The following ARHGEF7 variants were observed in gnomAD, a reference collection of about 807,000 sequenced individuals.
The protein encoded by ARHGEF7 is Rho guanine nucleotide exchange factor 7, also known as PAK-interacting exchange factor beta.
In ARHGEF7, 33 loss-of-function variants were observed where a neutral mutation model predicts 109.8. That is an observed-to-expected ratio of 0.30 (90% CI 0.23 to 0.40). ARHGEF7 has a LOEUF of 0.40. ARHGEF7 is among the 10% of genes least tolerant of loss of function. The pLI is 1.00. For synonymous variants in ARHGEF7, 458 were observed against 424.6 expected (o/e 1.08, Z -0.97); for missense variants, 938 against 1,098.5 (o/e 0.85, Z 2.07).
Position 111,275,625 on chromosome 13 carries a change from C to T in ARHGEF7, c.1366C>T (p.Leu456=). The change falls in exon 12 of 22, where the codon CTG becomes TTG. Residue 456 remains leucine, a synonymous_variant. Transcript: ENST00000646102. ...CTGGGAGGGCGATGACATTAAAACTCTGGGCAACGTCACTTACATGTCCCA... is the reference window on the plus strand; with the variant it reads ...CTGGGAGGGCGATGACATTAAAACTTTGGGCAACGTCACTTACATGTCCCA... ...RNWEGDDIKT[L]GNVTYMSQVL... is the part of the protein sequence containing the mutation. The T allele has an allele frequency of 2.5e-6, 4 of 1,614,190 alleles. No individual in the cohort carries two copies. Among genetic ancestry groups the T allele is most frequent in the Non-Finnish European group, 3.4e-6 (4 of 1,180,040 alleles).
At chr13:111,264,287 G>A (rs182192850) in intron 8 of ARHGEF7, among the ~76,000 whole-genome samples, 155 of 152,326 alleles carry the variant, frequency 1.0e-3, no homozygotes, top group African/African-American at 3.7e-3. Context: ...CTCTAGCCAC[G>A]TGGGGCTGTG....
intron 2 of ARHGEF7, among the ~76,000 whole-genome samples, chr13:111,163,420 A>G (rs999545107): frequency 1.3e-5 from 2 of 152,098 alleles, no homozygotes; most frequent in African/African-American, 4.8e-5. Flanking sequence ...TTCGTTTCAG[A>G]TCTTTGGAAT....
At chr13:111,175,210 G>A (rs2078018448) in intron 2 of ARHGEF7, among the ~76,000 whole-genome samples, 1 of 152,224 alleles carries the variant, frequency 6.6e-6, no homozygotes, top group South Asian at 2.1e-4. Flanking sequence ...GCTGTGCACT[G>A]AGGGCCCCTG....
rs887566478 is a variant in ARHGEF7, at chr13:111,304,430, T to C, written c.*1317T>C. 1 of 152,192 alleles carries C rather than the reference T, an allele frequency of 6.6e-6. No individual in the cohort carries two copies. The highest frequency in any genetic ancestry group is 1.5e-5 in the Non-Finnish European group (1 of 68,032). 9.4% of individuals were successfully genotyped at this position (152,192 alleles called of 1,614,324 possible). A position where few individuals can be genotyped will look rare whatever the true frequency, so the allele number is the denominator to read the frequency against. Reference sequence around the variant, plus strand: ...TCCTGTGAAAAGGTTGGTTTTAAAGTGAGATACACTTTTCCGTAGAACAAG... The same window carrying C: ...TCCTGTGAAAAGGTTGGTTTTAAAGCGAGATACACTTTTCCGTAGAACAAG... On this transcript the variant is annotated 3_prime_UTR_variant, in exon 22 of 22. Coordinates refer to ENST00000646102, the MANE Select transcript of ARHGEF7 (RefSeq NM_001354046.2).
intron 2 of ARHGEF7, among the ~76,000 whole-genome samples, chr13:111,156,360 C>T (rs2076332949): frequency 6.6e-6 from 1 of 152,164 alleles, no homozygotes; most frequent in South Asian, 2.1e-4. Flanking sequence ...TTAGTTTTGA[C>T]TTATTTTGTG....
intron 5 of ARHGEF7, among the ~76,000 whole-genome samples, chr13:111,226,854 T>C (rs1041539263): frequency 2.6e-5 from 4 of 152,246 alleles, no homozygotes; most frequent in African/African-American, 9.6e-5. Context: ...GGAAAGGATT[T>C]ACCCCTTTAG....
rs565654900 is a variant in ARHGEF7 at position 111,258,250 on chromosome 13, G to A, written c.951-9298G>A. On this transcript the variant is annotated intron_variant, in intron 8 of 21. Coordinates refer to ENST00000646102, the MANE Select transcript of ARHGEF7 (RefSeq NM_001354046.2). The surrounding 1 kb of genome is among the most constrained non-coding windows in gnomAD (Gnocchi z 4.4). ...CAGTGCAGCCTGCAGCTCCAGGAGA[G>A]ACTCCTCCCACAACCACAGGCAGTG... Among the ~76,000 whole-genome samples the A allele has an allele frequency of 1.6e-4, 24 of 147,490 alleles. No homozygotes were observed. The South Asian group carries it at 5.1e-3, about 31-fold the overall frequency.
intron 1 of ARHGEF7, among the ~76,000 whole-genome samples, chr13:111,122,084 C>T (rs1014307486): frequency 6.6e-5 from 10 of 152,216 alleles, no homozygotes; most frequent in South Asian, 2.1e-4. Flanking sequence ...TTGCAACTTT[C>T]GGGGGCTGGC....
At chr13:111,298,423 C>T (rs1038592845) in intron 19 of ARHGEF7, among the ~76,000 whole-genome samples, 1 of 152,152 alleles carries the variant, frequency 6.6e-6, no homozygotes, top group Non-Finnish European at 1.5e-5. Context: ...GTCTCAGCAG[C>T]ATTACCCGTT....
chr13:111,300,820 G>A lies in ARHGEF7; in HGVS notation c.2384G>A (p.Ser795Asn), dbSNP rs1650551290. 1 of 1,608,020 alleles carries A rather than the reference G, an allele frequency of 6.2e-7. No homozygotes were observed. The highest frequency in any genetic ancestry group is 1.1e-5 in the South Asian group (1 of 90,264). ...AAAATTATAGTGGAAGAAACTAAAAGTAATGGTCAGACAGTGATAGAAGAA... is the reference window on the plus strand; with the variant it reads ...AAAATTATAGTGGAAGAAACTAAAAATAATGGTCAGACAGTGATAGAAGAA... ...EEKIIVEETK[S>N]NGQTVIEEKS... is the part of the protein sequence containing the mutation. The change falls in exon 20 of 22, where the codon AGT (serine) becomes AAT (asparagine). Residue 795 changes from serine (S) to asparagine (N), a missense_variant. Ser to Asn is a conservative substitution (Grantham distance 46). Around this residue, in one of 4 missense-constraint regions of ARHGEF7, gnomAD observed 166 missense variants for 167.3 expected, o/e 0.99. Coordinates refer to ENST00000646102, the MANE Select transcript of ARHGEF7 (RefSeq NM_001354046.2).
intron 5 of ARHGEF7, among the ~76,000 whole-genome samples, chr13:111,230,860 T>C (rs932290751): frequency 6.6e-6 from 1 of 152,258 alleles, no homozygotes; most frequent in African/African-American, 2.4e-5. Context: ...TAATCTGATT[T>C]GACTGGGTTT....
intron 2 of ARHGEF7, among the ~76,000 whole-genome samples, chr13:111,171,720 C>A (rs2077608814): frequency 6.6e-6 from 1 of 152,226 alleles, no homozygotes; most frequent in South Asian, 2.1e-4. Flanking sequence ...AAACAAAGCT[C>A]TTCTGTGGCT....
At chr13:111,221,593 A>C (rs1170165062) in intron 5 of ARHGEF7, among the ~76,000 whole-genome samples, 1 of 92,310 alleles carries the variant, frequency 1.1e-5, no homozygotes, top group African/African-American at 4.0e-5. Context: ...ATATATCTAT[A>C]TATAGATATA....
intron 5 of ARHGEF7, among the ~76,000 whole-genome samples, chr13:111,223,860 T>G (rs1156337636): frequency 1.0e-5 from 1 of 98,080 alleles, no homozygotes; most frequent in Non-Finnish European, 2.1e-5. Flanking sequence ...TCTATAGCAT[T>G]TTTTTTTTTT....
In ARHGEF7 at chr13:111,266,700, T is replaced by G. The variant is rs554173589; in HGVS notation, c.951-848T>G. The G allele has an allele frequency of 2.4e-6, 1 of 410,978 alleles. No homozygotes were observed. The highest frequency in any genetic ancestry group is 7.3e-5 in the East Asian group (1 of 13,752). The allele number at this position is 410,978 out of a possible 1,614,324, so 25.5% of individuals were successfully genotyped here. On this transcript the variant is annotated intron_variant, in intron 8 of 21. Coordinates refer to ENST00000646102, the MANE Select transcript of ARHGEF7 (RefSeq NM_001354046.2). The surrounding 1 kb of genome is among the most constrained non-coding windows in gnomAD (Gnocchi z 4.8). Reference sequence around the variant, plus strand: ...GGTGTTCATGTTTTTGGTCACTTTTTCTCTGGCTCCCATTCCCTAGGTAGG... The same window carrying G: ...GGTGTTCATGTTTTTGGTCACTTTTGCTCTGGCTCCCATTCCCTAGGTAGG...
intron 1 of ARHGEF7, among the ~76,000 whole-genome samples, chr13:111,115,972 G>C (rs2066732635): frequency 6.6e-6 from 1 of 151,886 alleles, no homozygotes; most frequent in Non-Finnish European, 1.5e-5. Flanking sequence ...AGGAGACGGG[G>C]CTTCTGCGCC....
chr13:111,236,156 C>T (rs1455110640), intron 6 of ARHGEF7, among the ~76,000 whole-genome samples: 1 of 152,154 alleles, frequency 6.6e-6, no homozygotes, highest in Non-Finnish European at 1.5e-5. Flanking sequence ...TTTCTCTCTC[C>T]TCTCCTTCTG....
intron 1 of ARHGEF7, chr13:111,153,637 T>C: frequency 8.3e-7 from 1 of 1,211,850 alleles, no homozygotes; most frequent in Non-Finnish European, 1.0e-6. Flanking sequence ...GGGCGCGGTC[T>C]GAGGACGTCA....
At position 111,277,610 on chromosome 13, in the gene ARHGEF7, A is replaced by G. The variant is rs369200513; in HGVS notation, c.1443A>G (p.Leu481=). 1.4e-5 allele frequency: 22 copies of G among 1,606,160 alleles called. No individual in the cohort carries two copies. The highest frequency in any genetic ancestry group is 1.7e-4 in the Middle Eastern group (1 of 6,048). The change falls in exon 13 of 22, where the codon CTA becomes CTG. Residue 481 remains leucine, a synonymous_variant. Coordinates refer to ENST00000646102, the MANE Select transcript of ARHGEF7 (RefSeq NM_001354046.2). ...AGGAAAAGAATGAAAGATATCTTCT[A>G]CTCTTCCCAAATGTTTTGCTAATGT... ...GSEEKNERYL[L]LFPNVLLMLS...
Sources: gnomAD v4.1 joint callset for allele counts (sites outside exome capture counted in the v4.1 genomes callset) on GRCh38, gnomAD v4.1.1 for gene constraint, gnomAD v4.1.1 regional missense constraint, Gnocchi (gnomAD v3.1) non-coding constraint, MANE v1.5 for transcripts, NCBI Gene and HGNC (gene_info 2026-07-23, HGNC 2026-07-21) for gene names.